NRG3: variants seen among roughly 807,000 people sequenced by gnomAD.
The protein encoded by NRG3 is pro-neuregulin-3, membrane-bound isoform.
In NRG3, 31 loss-of-function variants were observed where a neutral mutation model predicts 66.9. The observed-to-expected ratio is 0.46, with a 90% CI of 0.35 to 0.63. The LOEUF is 0.63. NRG3 is among the 20% of genes least tolerant of loss of function. NRG3 has a pLI of 0.00. For synonymous variants in NRG3, 393 were observed against 359.4 expected, an observed-to-expected ratio of 1.09 and a Z score of -1.06; for missense variants, 910 against 878.9, an observed-to-expected ratio of 1.04 and a Z score of -0.45.
intron 1 of NRG3, among the ~76,000 whole-genome samples, chr10:81,900,796 G>T (rs1470407407): frequency 6.6e-6 from 1 of 152,050 alleles, no homozygotes; most frequent in Non-Finnish European, 1.5e-5. Flanking sequence ...AAAATATTCA[G>T]GGCATTTGTT....
intron 2 of NRG3, among the ~76,000 whole-genome samples, chr10:82,594,205 A>G (rs140641831): frequency 7.2e-5 from 11 of 152,296 alleles, no homozygotes; most frequent in South Asian, 4.1e-4. Flanking sequence ...TCTCTTCAAG[A>G]TGAATTTGGG....
At chr10:82,675,081 C>G (rs2053581543) in intron 2 of NRG3, among the ~76,000 whole-genome samples, 2 of 151,972 alleles carry the variant, frequency 1.3e-5, no homozygotes, top group South Asian at 2.1e-4. Context: ...TCCCCAACCC[C>G]CTGAGTAGCT....
rs984349970 is a variant in NRG3, at chr10:82,021,746, G to T, written c.823+145583G>T. Among the ~76,000 whole-genome samples, 4 of 151,104 alleles carry T rather than the reference G, an allele frequency of 2.6e-5. No homozygotes were observed. The East Asian group carries it at 7.8e-4, about 30-fold the overall frequency. ...GATAATTTTATATCAGCCTGATGGC[G>T]TTGTTTACTGAAACTCTAATAAGCT... is the stretch of plus-strand genomic sequence containing the variant. On this transcript the variant is annotated intron_variant, in intron 1 of 8. Coordinates refer to ENST00000372141, the MANE Select transcript of NRG3 (RefSeq NM_001010848.4).
At chr10:82,831,824 G>T (rs1348909926) in intron 3 of NRG3, among the ~76,000 whole-genome samples, 2 of 152,010 alleles carry the variant, frequency 1.3e-5, no homozygotes, top group Non-Finnish European at 2.9e-5. Context: ...AAAGTTATTT[G>T]CTCTAGGGCA....
At chr10:82,189,078 C>T (rs987034836) in intron 1 of NRG3, among the ~76,000 whole-genome samples, 14 of 151,892 alleles carry the variant, frequency 9.2e-5, no homozygotes, top group South Asian at 2.1e-4. Context: ...CTTTTGAAAA[C>T]GGTTTAATTT....
At chr10:82,925,664 G>T (rs140858949) in intron 4 of NRG3, among the ~76,000 whole-genome samples, 4 of 152,316 alleles carry the variant, frequency 2.6e-5, no homozygotes, top group East Asian at 1.9e-4. Flanking sequence ...ATCAATCTAC[G>T]TAGGGTTTAT....
intron 3 of NRG3, among the ~76,000 whole-genome samples, chr10:82,824,355 T>A (rs1375714082): frequency 6.6e-6 from 1 of 152,222 alleles, no homozygotes; most frequent in African/African-American, 2.4e-5. Context: ...TGAGTAGACA[T>A]GTGTTTTTAA....
intron 1 of NRG3, among the ~76,000 whole-genome samples, chr10:81,923,405 T>C (rs537490507): frequency 1.3e-5 from 2 of 152,056 alleles, no homozygotes; most frequent in African/African-American, 2.4e-5. Flanking sequence ...CGGGGTTTCA[T>C]CGTGTTAGCC....
In NRG3 at chr10:82,676,373, T is replaced by C. The variant is rs2053684318; in HGVS notation, c.954-62204T>C. On this transcript the variant is annotated intron_variant, in intron 2 of 8. Coordinates refer to ENST00000372141, the MANE Select transcript of NRG3 (RefSeq NM_001010848.4). ...TAAGGGTGTTTGCATTCTTTGTAAC[T>C]CTAAAGGTGAAAGGACATCAGGGGA... 2.6e-5 allele frequency among the ~76,000 whole-genome samples: 4 copies of C among 152,312 alleles called. No individual in the cohort carries two copies. In the South Asian group the frequency reaches 8.3e-4, roughly 32 times the overall value.
At chr10:82,263,545 G>A (rs754976784) in intron 1 of NRG3, among the ~76,000 whole-genome samples, 23 of 151,902 alleles carry the variant, frequency 1.5e-4, no homozygotes, top group Non-Finnish European at 2.4e-4. Flanking sequence ...AATAACATTT[G>A]GCAGAGCATT....
At chr10:82,534,274 T>C (rs1375912331) in intron 2 of NRG3, among the ~76,000 whole-genome samples, 2 of 151,988 alleles carry the variant, frequency 1.3e-5, no homozygotes, top group Non-Finnish European at 2.9e-5. Context: ...TTTGTTTTTT[T>C]TTTTTGAGAC....
intron 2 of NRG3, among the ~76,000 whole-genome samples, chr10:82,383,870 A>G (rs1050252457): frequency 5.3e-5 from 8 of 151,968 alleles, no homozygotes; most frequent in African/African-American, 1.9e-4. Context: ...ACAAAATTCA[A>G]ACTCTTACTA....
At chr10:82,682,853 A>G (rs2054207559) in intron 2 of NRG3, among the ~76,000 whole-genome samples, 1 of 151,254 alleles carries the variant, frequency 6.6e-6, no homozygotes, top group African/African-American at 2.4e-5. Flanking sequence ...AAAAACTAAA[A>G]CTCTTTGCAA....
At chr10:81,913,759 G>A (rs1194477083) in intron 1 of NRG3, among the ~76,000 whole-genome samples, 1 of 152,106 alleles carries the variant, frequency 6.6e-6, no homozygotes, top group Non-Finnish European at 1.5e-5. Flanking sequence ...GTGAATCCAC[G>A]TGGAATGTCT....
At chr10:82,745,442 T>C (rs1284870795) in intron 3 of NRG3, among the ~76,000 whole-genome samples, 1 of 152,194 alleles carries the variant, frequency 6.6e-6, no homozygotes, top group African/African-American at 2.4e-5. Context: ...CAGACTGGCA[T>C]CTGCTGGGAA....
intron 2 of NRG3, among the ~76,000 whole-genome samples, chr10:82,612,697 G>T (rs1443000964): frequency 1.3e-5 from 2 of 151,910 alleles, no homozygotes; most frequent in African/African-American, 4.8e-5. Context: ...GAGTTTCCCA[G>T]GTTCCTTTAA....
At chr10:82,979,756 T>C (rs1852656030) in intron 8 of NRG3, among the ~76,000 whole-genome samples, 1 of 152,168 alleles carries the variant, frequency 6.6e-6, no homozygotes, top group African/African-American at 2.4e-5. Context: ...AGGATGAATG[T>C]TAACCATTAT....
intron 2 of NRG3, among the ~76,000 whole-genome samples, chr10:82,580,540 T>A (rs1487995894): frequency 6.6e-6 from 1 of 152,030 alleles, no homozygotes; most frequent in African/African-American, 2.4e-5. Flanking sequence ...CTTCTGTCTT[T>A]CATCTATTCA....
intron 1 of NRG3, among the ~76,000 whole-genome samples, chr10:82,097,394 A>T (rs1590096985): frequency 6.9e-6 from 1 of 144,996 alleles, no homozygotes; most frequent in Admixed American, 7.0e-5. Context: ...ACACACACAC[A>T]CACTCCCAGA....
Sources: allele counts gnomAD v4.1 joint callset (sites outside exome capture counted in the v4.1 genomes callset), GRCh38; gene constraint gnomAD v4.1.1; transcripts MANE v1.5; gene names NCBI Gene and HGNC (gene_info 2026-07-23, HGNC 2026-07-21).